The following PIBF1 variants were observed in gnomAD, a reference collection of about 807,000 sequenced individuals.
The protein encoded by PIBF1 is progesterone immunomodulatory binding factor 1, also known as progesterone-induced-blocking factor 1.
Under a neutral mutation model 112.5 loss-of-function variants are expected in PIBF1, and 90 were observed. The ratio of observed to expected loss-of-function variants is 0.80; its 90% confidence interval spans 0.67 to 0.95. PIBF1 has a LOEUF of 0.95. Ranked by LOEUF, PIBF1 falls within the 40% of genes least tolerant of loss-of-function variation. The pLI is 0.00. For missense variants in PIBF1, 915 were observed against 852.3 expected (o/e 1.07, Z -0.92); for synonymous variants, 301 against 288.6 (o/e 1.04, Z -0.44).
intron 17 of PIBF1, among the ~76,000 whole-genome samples, chr13:73,007,718 A>C (rs2044080032): frequency 6.6e-6 from 1 of 151,784 alleles, no homozygotes; most frequent in Admixed American, 6.6e-5. Flanking sequence ...CTGAGGCAGG[A>C]GAATCGCTTG....
chr13:72,822,293 A>T (rs2036593167), intron 6 of PIBF1, among the ~76,000 whole-genome samples: 1 of 152,130 alleles, frequency 6.6e-6, no homozygotes, highest in African/African-American at 2.4e-5. Context: ...TTAAATACTT[A>T]ACAGTTTTCC....
chr13:73,006,955 G>C (rs542867530), intron 17 of PIBF1, among the ~76,000 whole-genome samples: 67 of 151,592 alleles, frequency 4.4e-4, no homozygotes, highest in African/African-American at 1.6e-3. Context: ...ATACTTTAGG[G>C]CCTGTTAATA....
At chr13:72,872,582 G>T in intron 10 of PIBF1, among the ~76,000 whole-genome samples, 1 of 152,224 alleles carries the variant, frequency 6.6e-6, no homozygotes, top group Middle Eastern at 3.4e-3. Flanking sequence ...GAGTAATATT[G>T]TGCTAAATGT....
chr13:72,790,862 T>C lies in PIBF1; in HGVS notation c.253-1585T>C, dbSNP rs190922720. On this transcript the variant is annotated intron_variant, in intron 2 of 17. Transcript: ENST00000326291. ...CTGGAATAGTATGGGGCAAAAACTA[T>C]ATTGAAGTTTTGCTCTGAAGACCAA... Among the ~76,000 whole-genome samples the C allele has an allele frequency of 4.6e-4, 70 of 152,230 alleles. 1 individual carries two copies. Among genetic ancestry groups the C allele is most frequent in the Admixed American group, 2.8e-3 (43 of 15,288 alleles).
intron 16 of PIBF1, among the ~76,000 whole-genome samples, chr13:72,986,037 C>T (rs1354901516): frequency 6.6e-6 from 1 of 151,970 alleles, no homozygotes; most frequent in East Asian, 1.9e-4. Flanking sequence ...GTGGCTCGTG[C>T]CTATAGTCCC....
intron 14 of PIBF1, among the ~76,000 whole-genome samples, chr13:72,959,217 A>G (rs1273435564): frequency 1.3e-5 from 2 of 152,136 alleles, no homozygotes; most frequent in Non-Finnish European, 1.5e-5. Context: ...GCTGGTCTCA[A>G]ATTCCTGACC....
At chr13:72,992,178 G>GT (rs1486342745) in intron 16 of PIBF1, among the ~76,000 whole-genome samples, 3 of 152,168 alleles carry the variant, frequency 2.0e-5, no homozygotes, top group Non-Finnish European at 4.4e-5. Context: ...GGACATAAGA[G>GT]TGAGACCCTG....
At chr13:72,871,293 GTCTC>G in intron 10 of PIBF1, among the ~76,000 whole-genome samples, 1 of 151,956 alleles carries the variant, frequency 6.6e-6, no homozygotes. Context: ...CTGTCTGTCT[GTCTC>G]TCTGTCTCTC....
intron 14 of PIBF1, among the ~76,000 whole-genome samples, chr13:72,963,564 A>G (rs2042662024): frequency 6.6e-6 from 1 of 152,210 alleles, no homozygotes; most frequent in Non-Finnish European, 1.5e-5. Flanking sequence ...ACTGCACTCC[A>G]GCCTGGGTGA....
At chr13:72,927,087 A>G (rs927692375) in intron 13 of PIBF1, among the ~76,000 whole-genome samples, 2 of 149,920 alleles carry the variant, frequency 1.3e-5, no homozygotes, top group Middle Eastern at 3.4e-3. Flanking sequence ...TTTGAAACAG[A>G]GTCTCACTCA....
At chr13:72,893,368 G>A (rs1002158463) in intron 10 of PIBF1, among the ~76,000 whole-genome samples, 1 of 151,976 alleles carries the variant, frequency 6.6e-6, no homozygotes, top group African/African-American at 2.4e-5. Flanking sequence ...AGTTTAATAT[G>A]CATATTTCAT....
chr13:72,974,765 T>C (rs1016526629), intron 16 of PIBF1, among the ~76,000 whole-genome samples: 19 of 152,248 alleles, frequency 1.2e-4, no homozygotes, highest in African/African-American at 3.6e-4. Flanking sequence ...AAACAATTAA[T>C]GTACACATTT....
chr13:72,795,775 A>G lies in PIBF1; in HGVS notation c.552+218A>G, dbSNP rs553509269. On this transcript the variant is annotated intron_variant, in intron 4 of 17. Transcript: ENST00000326291. ...TCTGAAGTTAATGACTGCATAGTCC[A>G]TAGAAATGAATTATCGTAAACTGGT... 3.3e-5 allele frequency among the ~76,000 whole-genome samples: 5 copies of G among 152,346 alleles called. No individual in the cohort carries two copies. The East Asian group carries it at 7.7e-4, about 24-fold the overall frequency.
chr13:72,997,435 C>T (rs2043714280), intron 16 of PIBF1, among the ~76,000 whole-genome samples: 1 of 152,324 alleles, frequency 6.6e-6, no homozygotes, highest in South Asian at 2.1e-4. Context: ...CAAGTATATG[C>T]ATTCTCATGT....
At chr13:72,902,964 C>T (rs917194051) in intron 11 of PIBF1, among the ~76,000 whole-genome samples, 6 of 151,436 alleles carry the variant, frequency 4.0e-5, no homozygotes, top group Admixed American at 2.0e-4. Flanking sequence ...GTCACAATCT[C>T]GGCTCACTGC....
intron 10 of PIBF1, among the ~76,000 whole-genome samples, chr13:72,885,831 A>G (rs911056139): frequency 1.3e-5 from 2 of 152,126 alleles, no homozygotes; most frequent in African/African-American, 4.8e-5. Context: ...AGTCATCCGC[A>G]TCCTTAGAAA....
intron 17 of PIBF1, among the ~76,000 whole-genome samples, chr13:73,002,571 A>G (rs999715849): frequency 6.6e-6 from 1 of 152,154 alleles, no homozygotes; most frequent in African/African-American, 2.4e-5. Flanking sequence ...ATCCTATTCG[A>G]AAATAGAATT....
chr13:72,933,512 A>G (rs2041773826), intron 14 of PIBF1, among the ~76,000 whole-genome samples: 2 of 152,222 alleles, frequency 1.3e-5, no homozygotes, highest in South Asian at 4.1e-4. Flanking sequence ...AAATACAAAA[A>G]TTAGCTGGGC....
intron 16 of PIBF1, among the ~76,000 whole-genome samples, chr13:72,975,088 C>T (rs1462199015): frequency 6.9e-6 from 1 of 145,976 alleles, no homozygotes; most frequent in African/African-American, 2.5e-5. Context: ...CAGGATCTTG[C>T]TCTGTCACCC....
Sources: gnomAD v4.1 joint callset for allele counts (sites outside exome capture counted in the v4.1 genomes callset) on GRCh38, gnomAD v4.1.1 for gene constraint, MANE v1.5 for transcripts, NCBI Gene and HGNC (gene_info 2026-07-23, HGNC 2026-07-21) for gene names.